MTG1: variants seen among roughly 807,000 people sequenced by gnomAD.
MTG1 encodes mitochondrial ribosome associated GTPase 1.
MTG1 carries 30 observed loss-of-function variants against 39.5 expected under a neutral mutation model. That is an observed-to-expected ratio of 0.76 (90% CI 0.57 to 1.03). The LOEUF (loss-of-function observed/expected upper bound fraction) is 1.03, where lower values mean the gene tolerates loss of function less well. Among genes scored for constraint, MTG1 ranks in the 50% least tolerant of loss-of-function variants. The pLI is 0.00. For missense variants in MTG1, 513 were observed against 447.4 expected, an observed-to-expected ratio of 1.15 and a Z score of -1.32; for synonymous variants, 217 against 179.0, an observed-to-expected ratio of 1.21 and a Z score of -1.69.
rs766023797 is a variant in MTG1, at chr10:133,402,735, C to G, written c.714C>G (p.Asp238Glu). The G allele has an allele frequency of 6.2e-6, 10 of 1,608,646 alleles. No homozygotes were observed. In the Admixed American group the frequency reaches 1.7e-4, roughly 27 times the overall value. The part of the protein sequence containing the change: ...DHLVGEETMA[D>E]YLLYTLNKHQ... ...TGGTCGGGGAGGAGACCATGGCTGACTACCTGCTGTACACCCTCAACAAAC... is the reference window on the plus strand; with the variant it reads ...TGGTCGGGGAGGAGACCATGGCTGAGTACCTGCTGTACACCCTCAACAAAC... The change falls in exon 9 of 11, where the codon GAC becomes GAG. Residue 238 changes from aspartate (D) to glutamate (E), a missense_variant. Coordinates refer to ENST00000317502, the MANE Select transcript of MTG1 (RefSeq NM_138384.4). The surrounding 1 kb of genome is among the most constrained non-coding windows in gnomAD (Gnocchi z 4.7).
chr10:133,419,248 G>A (rs961099081), intron 9 of MTG1, among the ~76,000 whole-genome samples: 6 of 152,236 alleles, frequency 3.9e-5, no homozygotes, highest in East Asian at 1.9e-4. Flanking sequence ...GCTGCTGGCC[G>A]TGGCCACACA....
At position 133,394,168 on chromosome 10, in the gene MTG1, G is replaced by T. The variant is rs1849742197; in HGVS notation, c.-53G>T. On this transcript the variant is annotated 5_prime_UTR_variant, in exon 1 of 11. Transcript: ENST00000317502. ...AGCGCCGGAACCTCAGAGGCGGGTC[G>T]CAGCGGCGCAGAGGAGGTCAGCTGC... 4 of 1,380,190 alleles carry T rather than the reference G, an allele frequency of 2.9e-6. No individual in the cohort carries two copies. The Admixed American group carries it at 9.4e-5, about 32-fold the overall frequency. 85.5% of individuals were successfully genotyped at this position (1,380,190 alleles called of 1,614,324 possible).
Position 133,419,532 on chromosome 10 carries a change from C to G in MTG1, c.805C>G (p.Leu269Val). 1 of 1,610,504 alleles carries G rather than the reference C, an allele frequency of 6.2e-7. No homozygotes were observed. The highest frequency in any genetic ancestry group is 8.5e-7 in the Non-Finnish European group (1 of 1,178,676). Residue 269 changes from leucine to valine, a missense_variant, in exon 10 of 11, where the codon CTG becomes GTG. By Grantham distance (32) the Leu-to-Val change is conservative (BLOSUM62 1). Transcript: ENST00000317502. ...GSACDNVERV[L>V]KSVAVKLGKT... is the part of the protein sequence containing the mutation. The stretch of plus-strand genomic sequence containing the variant: ...TGCCTGTGACAACGTAGAGCGCGTG[C>G]TGAAGAGTGTGGCTGTGAAGCTGGG...
chr10:133,399,252 G>A, intron 5 of MTG1, 26 bp downstream of exon 5: 3 of 1,613,486 alleles, frequency 1.9e-6, no homozygotes, highest in East Asian at 2.2e-5. Context: ...CCAGAGCTGG[G>A]AGTGGGAGGC....
rs1589909144 is a variant in MTG1 at position 133,398,215 on chromosome 10, A to G, written c.283-220A>G. On this transcript the variant is annotated intron_variant, in intron 3 of 10. Coordinates refer to ENST00000317502, the MANE Select transcript of MTG1 (RefSeq NM_138384.4). The stretch of plus-strand genomic sequence containing the variant: ...TAGAAATATGATACTGCTTTGCACT[A>G]GTTTCACTGCATGTTAAGGCCAGTG... 2.0e-5 allele frequency among the ~76,000 whole-genome samples: 3 copies of G among 152,326 alleles called. No homozygotes were observed. In the South Asian group the frequency reaches 6.2e-4, roughly 32 times the overall value.
Position 133,399,387 on chromosome 10 carries a change from C to A in MTG1, c.421-142C>A. On this transcript the variant is annotated intron_variant, in intron 5 of 10. Coordinates refer to ENST00000317502, the MANE Select transcript of MTG1 (RefSeq NM_138384.4). ...GTGGAAAGGGCCGAGGCCGTCCCCGCTGGGTGGGCAGAGCCTCGGCGTTAA... is the reference window on the plus strand; with the variant it reads ...GTGGAAAGGGCCGAGGCCGTCCCCGATGGGTGGGCAGAGCCTCGGCGTTAA... The A allele has an allele frequency of 2.5e-6, 3 of 1,188,804 alleles. No homozygotes were observed. In the South Asian group the frequency reaches 3.8e-5, roughly 15 times the overall value. 73.6% of individuals were successfully genotyped at this position (1,188,804 alleles called of 1,614,324 possible).
chr10:133,400,670 G>A (rs1337757469), intron 6 of MTG1, among the ~76,000 whole-genome samples: 2 of 152,126 alleles, frequency 1.3e-5, no homozygotes, highest in African/African-American at 4.8e-5. Flanking sequence ...GTGGTATTAA[G>A]TGCATTTATA....
intron 7 of MTG1, 34 bp downstream of exon 7, chr10:133,401,624 T>A: frequency 1.2e-6 from 2 of 1,609,190 alleles, no homozygotes; most frequent in Non-Finnish European, 1.7e-6. Context: ...CAGCACTCTG[T>A]CAAGAGCTCT....
At chr10:133,406,937 C>T (rs183029076) in intron 9 of MTG1, among the ~76,000 whole-genome samples, 41 of 152,090 alleles carry the variant, frequency 2.7e-4, no homozygotes, top group Non-Finnish European at 4.3e-4. Flanking sequence ...CCACCGCACC[C>T]GGCCAGATTT....
chr10:133,401,828 C>T lies in MTG1; in HGVS notation c.573+238C>T, dbSNP rs1287511774. ...TTTCCCCATTTCCAGATGAGGAGGC[C>T]ACTGTCCAGGGCCATGCAGTGGTCA... On this transcript the variant is annotated intron_variant, in intron 7 of 10. Coordinates refer to ENST00000317502, the MANE Select transcript of MTG1 (RefSeq NM_138384.4). 7.4e-6 allele frequency: 5 copies of T among 675,986 alleles called. No homozygotes were observed. The Admixed American group carries it at 8.3e-5, about 11-fold the overall frequency. The allele number at this position is 675,986 out of a possible 1,614,324, so 41.9% of individuals were successfully genotyped here.
intron 2 of MTG1, 76 bp downstream of exon 2, chr10:133,395,853 TA>T (rs749359495): frequency 4.8e-6 from 7 of 1,470,618 alleles, no homozygotes; most frequent in Non-Finnish European, 4.7e-6. Flanking sequence ...GGGAGGCTTT[TA>T]AAAATATGAA....
rs193103710 is a variant in MTG1 at position 133,397,513 on chromosome 10, C to G, written c.283-922C>G. ...TTTTTTTTTGAGGCAGAGTCTTGCT[C>G]TGTCGCCCAGGCTGGAGTGCAGTGG... On this transcript the variant is annotated intron_variant, in intron 3 of 10. Coordinates refer to ENST00000317502, the MANE Select transcript of MTG1 (RefSeq NM_138384.4). Among the ~76,000 whole-genome samples the G allele has an allele frequency of 5.0e-3, 748 of 148,814 alleles. 6 individuals are homozygous for G. Among genetic ancestry groups the G allele is most frequent in the African/African-American group, 0.018 (699 of 39,644 alleles).
At chr10:133,419,314 G>A (rs376327862) in intron 9 of MTG1, among the ~76,000 whole-genome samples, 166 bp from the exon 10 acceptor site, 28 of 152,296 alleles carry the variant, frequency 1.8e-4, no homozygotes, top group African/African-American at 6.3e-4. Context: ...GCCCAGCACC[G>A]GTCACCTGCA....
intron 9 of MTG1, among the ~76,000 whole-genome samples, chr10:133,419,216 G>A (rs540307418): frequency 1.3e-5 from 2 of 152,238 alleles, no homozygotes; most frequent in Non-Finnish European, 2.9e-5. Context: ...CAAGGGCTCC[G>A]GTGGTGGGAG....
intron 9 of MTG1, among the ~76,000 whole-genome samples, chr10:133,411,991 A>T (rs1223287653): frequency 6.6e-6 from 1 of 151,932 alleles, no homozygotes; most frequent in Non-Finnish European, 1.5e-5. Flanking sequence ...GTTTTCCGTT[A>T]GCTGTTGTTT....
chr10:133,398,617 A>G, intron 4 of MTG1, 102 bp downstream of exon 4: 2 of 1,347,068 alleles, frequency 1.5e-6, no homozygotes, highest in Non-Finnish European at 2.0e-6. Context: ...GCTTTGGAAA[A>G]GATCCTAGGT....
intron 9 of MTG1, 28 bp from the exon 10 acceptor site, chr10:133,419,452 C>T (rs1850191686): frequency 1.9e-6 from 3 of 1,560,138 alleles, no homozygotes; most frequent in Non-Finnish European, 2.6e-6. Context: ...GCTGGGCCCC[C>T]TGGTGCTGAC....
At chr10:133,399,858 C>A in intron 6 of MTG1, 1 of 473,404 alleles carries the variant, frequency 2.1e-6, no homozygotes, top group Non-Finnish European at 3.7e-6. Context: ...AAATCTTTAA[C>A]ATGAAGATGG....
At chr10:133,409,848 A>G (rs977385119) in intron 9 of MTG1, among the ~76,000 whole-genome samples, 1 of 146,806 alleles carries the variant, frequency 6.8e-6, no homozygotes, top group Non-Finnish European at 1.5e-5. Flanking sequence ...CTCTTTATAC[A>G]GTCTTTGACT....
Sources: gnomAD v4.1 joint callset for allele counts (sites outside exome capture counted in the v4.1 genomes callset) on GRCh38, gnomAD v4.1.1 for gene constraint, Gnocchi (gnomAD v3.1) non-coding constraint, MANE v1.5 for transcripts, NCBI Gene and HGNC (gene_info 2026-07-23, HGNC 2026-07-21) for gene names.